GNA14: variants seen among roughly 807,000 people sequenced by gnomAD.
The protein encoded by GNA14 is G protein subunit alpha 14.
Under a neutral mutation model 42.0 loss-of-function variants are expected in GNA14, and 50 were observed. The ratio of observed to expected loss-of-function variants is 1.19; its 90% CI spans 0.95 to 1.51. The LOEUF is 1.51. GNA14 is among the 40% of genes most tolerant of loss of function. GNA14 has a pLI of 0.00. For missense variants in GNA14, 473 were observed against 446.2 expected (o/e 1.06, Z -0.54); for synonymous variants, 173 against 163.1 (o/e 1.06, Z -0.46).
At chr9:77,433,644 TGA>T (rs1835594918) in intron 3 of GNA14, among the ~76,000 whole-genome samples, 1 of 152,138 alleles carries the variant, frequency 6.6e-6, no homozygotes, top group East Asian at 1.9e-4. Context: ...ATTACAGATG[TGA>T]ACAGGAAATG....
intron 1 of GNA14, among the ~76,000 whole-genome samples, chr9:77,615,630 C>T (rs1291935283): frequency 6.6e-6 from 1 of 150,884 alleles, no homozygotes; most frequent in Non-Finnish European, 1.5e-5. Context: ...GTCTTTTCAT[C>T]AACATGTTTA....
At chr9:77,541,740 TTTTC>T (rs1046181784) in intron 1 of GNA14, among the ~76,000 whole-genome samples, 4 of 152,198 alleles carry the variant, frequency 2.6e-5, no homozygotes, top group African/African-American at 9.6e-5. Context: ...TTTTTTCTTT[TTTTC>T]TTTATTTTTG....
intron 5 of GNA14, among the ~76,000 whole-genome samples, chr9:77,426,054 T>C (rs572935813): frequency 4.7e-4 from 71 of 152,322 alleles, no homozygotes; most frequent in Admixed American, 3.4e-3. Flanking sequence ...TCCTGTGTCA[T>C]GTGATCGTTG....
chr9:77,487,122 C>G (rs2131733011), intron 2 of GNA14, among the ~76,000 whole-genome samples: 1 of 151,932 alleles, frequency 6.6e-6, no homozygotes, highest in South Asian at 2.1e-4. Flanking sequence ...GAAACAGCTA[C>G]TAAGTGACTA....
chr9:77,543,586 G>C (rs1402641026), intron 1 of GNA14, among the ~76,000 whole-genome samples: 1 of 152,218 alleles, frequency 6.6e-6, no homozygotes, highest in East Asian at 1.9e-4. Flanking sequence ...AGGCCTGCAA[G>C]GGTTAAGCGC....
intron 2 of GNA14, among the ~76,000 whole-genome samples, chr9:77,515,614 TTGTC>T (rs1433872999): frequency 6.6e-6 from 1 of 152,138 alleles, no homozygotes; most frequent in Non-Finnish European, 1.5e-5. Flanking sequence ...TGCATTGCCT[TTGTC>T]TGAGAGCTGG....
chr9:77,641,060 A>AGGAGGGGAGG lies in GNA14; in HGVS notation c.124+6600_124+6609dup, dbSNP rs1204505234. Among the ~76,000 whole-genome samples the AGGAGGGGAGG allele has an allele frequency of 9.1e-5, 7 of 76,684 alleles. 3 individuals carry two copies. Among genetic ancestry groups the AGGAGGGGAGG allele is most frequent in the African/African-American group, 3.3e-4 (5 of 15,276 alleles). The allele number at this position is 76,684 out of a possible 152,430, so 50.3% of individuals were successfully genotyped here. On this transcript the variant is annotated intron_variant, in intron 1 of 6. Transcript: ENST00000341700. ...CACGAATTTGCATGGGAAGGAAGGA[A>AGGAGGGGAGG]GGAGGGGAGGGGAGGGGAGGGGAGG...
At chr9:77,630,119 T>G (rs965517881) in intron 1 of GNA14, among the ~76,000 whole-genome samples, 21 of 151,862 alleles carry the variant, frequency 1.4e-4, no homozygotes, top group African/African-American at 5.1e-4. Flanking sequence ...TTTGTTTTTT[T>G]TTTTTTTGAC....
intron 2 of GNA14, among the ~76,000 whole-genome samples, chr9:77,464,351 ATGTGTGTGTGTGTGTGTGTGTGTGTGTG>A (rs35743834): frequency 1.4e-5 from 2 of 144,706 alleles, no homozygotes; most frequent in Non-Finnish European, 3.0e-5. Flanking sequence ...GTGTGTGTAT[ATGTGTGTGTGTGTGTGTGTGTGTGTGTG>A]TGTGTGTGTG....
At chr9:77,628,340 C>A (rs530166235) in intron 1 of GNA14, among the ~76,000 whole-genome samples, 3 of 152,140 alleles carry the variant, frequency 2.0e-5, no homozygotes, top group Non-Finnish European at 4.4e-5. Flanking sequence ...TCAATGCTAT[C>A]CCCATCAAGC....
At chr9:77,578,531 A>G (rs1447924770) in intron 1 of GNA14, among the ~76,000 whole-genome samples, 2 of 152,236 alleles carry the variant, frequency 1.3e-5, no homozygotes, top group African/African-American at 4.8e-5. Flanking sequence ...CTGGAACTAG[A>G]AAAGGACATG....
chr9:77,507,538 C>A (rs1258810491), intron 2 of GNA14, among the ~76,000 whole-genome samples: 1 of 152,168 alleles, frequency 6.6e-6, no homozygotes, highest in African/African-American at 2.4e-5. Flanking sequence ...CATCACAAAT[C>A]TTATTGGAAT....
At chr9:77,507,978 A>C (rs1837098071) in intron 2 of GNA14, among the ~76,000 whole-genome samples, 1 of 152,122 alleles carries the variant, frequency 6.6e-6, no homozygotes, top group African/African-American at 2.4e-5. Context: ...TCGGCCTCCC[A>C]AAGTGCTGGG....
At chr9:77,561,945 T>C (rs1822889863) in intron 1 of GNA14, among the ~76,000 whole-genome samples, 1 of 152,230 alleles carries the variant, frequency 6.6e-6, no homozygotes, top group Non-Finnish European at 1.5e-5. Flanking sequence ...ATCTCTCCTC[T>C]TTTGCTTCAC....
At chr9:77,493,090 T>A (rs1564030886) in intron 2 of GNA14, among the ~76,000 whole-genome samples, 1 of 145,174 alleles carries the variant, frequency 6.9e-6, no homozygotes, top group Non-Finnish European at 1.5e-5. Flanking sequence ...GAGCCAGCAG[T>A]CCTGGCACTC....
intron 2 of GNA14, among the ~76,000 whole-genome samples, chr9:77,528,033 G>C (rs1192385168): frequency 6.6e-6 from 1 of 152,196 alleles, no homozygotes; most frequent in East Asian, 1.9e-4. Flanking sequence ...TGATAGTAAA[G>C]ACATAGATTG....
At position 77,616,485 on chromosome 9, in the gene GNA14, C is replaced by T. The variant is rs79061849; in HGVS notation, c.124+31185G>A. 4.1e-3 allele frequency among the ~76,000 whole-genome samples: 629 copies of T among 152,280 alleles called. 3 individuals are homozygous for T. The highest frequency in any genetic ancestry group is 0.015 in the African/African-American group (605 of 41,570). On this transcript the variant is annotated intron_variant, in intron 1 of 6. Coordinates refer to ENST00000341700, the MANE Select transcript of GNA14 (RefSeq NM_004297.4). ...GTCAGGAGTACCACCAGAAGCAAGG[C>T]TCTGATGGCTAAGTCAGCAGCAGGA...
intron 1 of GNA14, among the ~76,000 whole-genome samples, chr9:77,557,753 A>T (rs1822811918): frequency 6.6e-6 from 1 of 152,216 alleles, no homozygotes; most frequent in South Asian, 2.1e-4. Flanking sequence ...AACCTTTAGC[A>T]TTCATGACTA....
At chr9:77,581,682 G>A (rs761803901) in intron 1 of GNA14, among the ~76,000 whole-genome samples, 1 of 152,152 alleles carries the variant, frequency 6.6e-6, no homozygotes, top group Non-Finnish European at 1.5e-5. Flanking sequence ...AAACAAGGCA[G>A]GTCACTGAAG....
Sources: allele counts gnomAD v4.1 joint callset (sites outside exome capture counted in the v4.1 genomes callset), GRCh38; gene constraint gnomAD v4.1.1; transcripts MANE v1.5; gene names NCBI Gene and HGNC (gene_info 2026-07-23, HGNC 2026-07-21).